The following RFLNA variants were observed in gnomAD, a reference collection of about 807,000 sequenced individuals.
RFLNA encodes refilin A, also known as refilin-A.
In RFLNA, 5 loss-of-function variants were observed where a neutral mutation model predicts 7.8. The observed-to-expected ratio is 0.64, with a 90% confidence interval of 0.34 to 1.35. The LOEUF is 1.35. Among genes scored for constraint, RFLNA ranks in the 40% most tolerant of loss-of-function variants. RFLNA has a pLI of 0.04. For synonymous variants in RFLNA, 141 were observed against 131.3 expected, an observed-to-expected ratio of 1.07 and a Z score of -0.50; for missense variants, 278 against 305.5, an observed-to-expected ratio of 0.91 and a Z score of 0.67.
chr12:124,289,671 C>T lies in RFLNA; in HGVS notation c.-37+301C>T, dbSNP rs1220360449. 1.3e-5 allele frequency among the ~76,000 whole-genome samples: 2 copies of T among 152,178 alleles called. No individual in the cohort carries two copies. The highest frequency in any genetic ancestry group is 2.4e-5 in the African/African-American group (1 of 41,452). ...CCCCCAGACAGCTGCCCAGCAAAGG[C>T]GGGCTGCAGGCTCCGAGAGGACACG... On this transcript the variant is annotated intron_variant, in intron 1 of 2. Transcript: ENST00000324038. The surrounding 1 kb of genome is among the most constrained non-coding windows in gnomAD (Gnocchi z 5.0).
chr12:124,296,242 C>T (rs374914931), intron 1 of RFLNA, among the ~76,000 whole-genome samples: 2 of 143,788 alleles, frequency 1.4e-5, no homozygotes, highest in East Asian at 2.0e-4. Context: ...CCTTCCTTCC[C>T]GGGATGTTAA....
At chr12:124,308,933 C>T (rs1052379268) in intron 1 of RFLNA, among the ~76,000 whole-genome samples, 1 of 152,240 alleles carries the variant, frequency 6.6e-6, no homozygotes, top group Non-Finnish European at 1.5e-5. Flanking sequence ...CCGGCCAGTG[C>T]GACAGCTGCC....
chr12:124,313,626 C>A (rs1350573561), intron 2 of RFLNA, among the ~76,000 whole-genome samples: 2 of 151,922 alleles, frequency 1.3e-5, no homozygotes, highest in Admixed American at 1.3e-4. Flanking sequence ...TTGCAGAGAG[C>A]CGAGATCGCG....
chr12:124,308,423 A>G (rs576014143), intron 1 of RFLNA, among the ~76,000 whole-genome samples: 8 of 151,234 alleles, frequency 5.3e-5, no homozygotes, highest in African/African-American at 1.9e-4. Flanking sequence ...CTGCGTGGAC[A>G]TGGGCTTTGG....
Position 124,290,086 on chromosome 12 carries a change from T to C in RFLNA, c.-37+716T>C, listed in dbSNP as rs1297958718. On this transcript the variant is annotated intron_variant, in intron 1 of 2. Coordinates refer to the RFLNA transcript ENST00000324038. The surrounding 1 kb of genome is among the most constrained non-coding windows in gnomAD (Gnocchi z 4.0). ...GTGGCTACTTTCAAACCCTCAGGGA[T>C]GTTCAGTGTTACTTCTGCATTCCCT... 6.6e-6 allele frequency among the ~76,000 whole-genome samples: 1 copy of C among 152,202 alleles called. No homozygotes were observed. The highest frequency in any genetic ancestry group is 2.4e-5 in the African/African-American group (1 of 41,454).
At chr12:124,313,628 G>T (rs937385586) in intron 2 of RFLNA, among the ~76,000 whole-genome samples, 4 of 151,514 alleles carry the variant, frequency 2.6e-5, no homozygotes, top group Admixed American at 2.0e-4. Flanking sequence ...GCAGAGAGCC[G>T]AGATCGCGCC....
At chr12:124,293,444 G>A (rs186591696), upstream of RFLNA, among the ~76,000 whole-genome samples, 54 of 152,278 alleles carry the variant, frequency 3.5e-4, no homozygotes, top group Middle Eastern at 3.4e-3. Flanking sequence ...ATTTCCATGT[G>A]TCTGTGTTCC....
chr12:124,291,605 G>A (rs79296398), upstream of RFLNA, among the ~76,000 whole-genome samples: 8 of 152,326 alleles, frequency 5.3e-5, no homozygotes, highest in South Asian at 1.2e-3. Context: ...TCAAGTGCAC[G>A]ATGGTGCGTG....
intron 1 of RFLNA, among the ~76,000 whole-genome samples, chr12:124,303,645 T>C (rs2135682355): frequency 6.6e-6 from 1 of 152,336 alleles, no homozygotes; most frequent in African/African-American, 2.4e-5. Context: ...AGGCGGATGC[T>C]GAGCCCCCCA....
At chr12:124,295,729 G>A in intron 1 of RFLNA, 93 bp downstream of exon 1, 5 of 1,169,738 alleles carry the variant, frequency 4.3e-6, no homozygotes, top group Non-Finnish European at 5.4e-6. Flanking sequence ...GCAGCAGGAC[G>A]TGCCTCCTCC....
intron 1 of RFLNA, among the ~76,000 whole-genome samples, chr12:124,311,494 G>A (rs58935430): frequency 1.3e-5 from 2 of 152,332 alleles, no homozygotes; most frequent in African/African-American, 4.8e-5. Flanking sequence ...AGTTCTCCAG[G>A]GCTCTGAGCC....
chr12:124,303,328 C>T (rs899926344), intron 1 of RFLNA, among the ~76,000 whole-genome samples: 2 of 152,172 alleles, frequency 1.3e-5, no homozygotes, highest in African/African-American at 4.8e-5. Context: ...CCCACCCCAG[C>T]GGCTCCCGGG....
upstream of RFLNA, among the ~76,000 whole-genome samples, chr12:124,290,389 CAT>C (rs150905347): frequency 1.1e-3 from 167 of 151,996 alleles, no homozygotes; most frequent in Middle Eastern, 3.4e-3. This position sits in a 1 kb window ranked among gnomAD's most constrained non-coding sequence, Gnocchi z 4.0. Flanking sequence ...TATATGTGTG[CAT>C]ATGTGTTTAC....
chr12:124,300,463 T>G (rs1271327043), intron 1 of RFLNA, among the ~76,000 whole-genome samples: 2 of 152,204 alleles, frequency 1.3e-5, no homozygotes, highest in African/African-American at 4.8e-5. Context: ...CCCTTGGGAC[T>G]CTTGGATTTT....
rs989421114 is a variant in RFLNA at position 124,295,521 on chromosome 12, CCCCCAG to C, written c.108_113del (p.Ser37_Pro38del). The C allele has an allele frequency of 1.6e-5, 20 of 1,269,202 alleles. No homozygotes were observed. The highest frequency in any genetic ancestry group is 3.0e-4 in the Middle Eastern group (1 of 3,334). The allele number at this position is 1,269,202 out of a possible 1,614,324, so 78.6% of individuals were successfully genotyped here. The stretch of plus-strand genomic sequence containing the variant: ...CTGGACAGCCCCGACTCCGGGCTGC[CCCCCAG>C]CCCCAGCCCCAGCCCGCCCTTCTAC... On this transcript the variant is annotated inframe_deletion, in exon 1 of 3. Coordinates refer to ENST00000546355, the MANE Select transcript of RFLNA (RefSeq NM_001365156.1).
chr12:124,311,976 G>T (rs2135693758), intron 2 of RFLNA, 49 bp downstream of exon 2: 7 of 1,184,134 alleles, frequency 5.9e-6, no homozygotes, highest in Admixed American at 2.5e-5. Context: ...GGGGGGTTGG[G>T]TGCTGGTCCT....
At chr12:124,298,524 A>G (rs1171870960) in intron 1 of RFLNA, among the ~76,000 whole-genome samples, 1 of 152,208 alleles carries the variant, frequency 6.6e-6, no homozygotes, top group South Asian at 2.1e-4. Flanking sequence ...CCAGACGAAG[A>G]GCTGGGAATC....
chr12:124,314,129 A>C (rs1035161165), intron 2 of RFLNA, 63 bp from the exon 3 acceptor site: 2 of 1,545,190 alleles, frequency 1.3e-6, no homozygotes, highest in African/African-American at 2.7e-5. Flanking sequence ...GTCCATGCTG[A>C]GGGCAGGGAA....
In RFLNA at chr12:124,314,566, C is replaced by A; in HGVS notation, c.*41C>A. 1 of 1,535,188 alleles carries A rather than the reference C, an allele frequency of 6.5e-7. No individual in the cohort carries two copies. The highest frequency in any genetic ancestry group is 1.5e-5 in the African/African-American group (1 of 68,910). Reference sequence around the variant, plus strand: ...CCCGGGGTGCTGGAGGAGCCGGGAGCCCTGGGGAGAAGCCGGGAGGATGGA... The same window carrying A: ...CCCGGGGTGCTGGAGGAGCCGGGAGACCTGGGGAGAAGCCGGGAGGATGGA... On this transcript the variant is annotated 3_prime_UTR_variant, in exon 3 of 3. Transcript: ENST00000546355.
Sources: gnomAD v4.1 joint callset for allele counts (sites outside exome capture counted in the v4.1 genomes callset) on GRCh38, gnomAD v4.1.1 for gene constraint, Gnocchi (gnomAD v3.1) non-coding constraint, MANE v1.5 for transcripts, NCBI Gene and HGNC (gene_info 2026-07-23, HGNC 2026-07-21) for gene names.